TAFA5: variants seen among roughly 807,000 people sequenced by gnomAD.
TAFA5 encodes the protein TAFA chemokine like family member 5.
A neutral mutation model predicts 15.3 loss-of-function variants in TAFA5; 6 were observed. The ratio of observed to expected loss-of-function variants is 0.39; its 90% CI spans 0.21 to 0.77. The LOEUF is 0.77. Ranked by LOEUF, TAFA5 falls within the 30% of genes least tolerant of loss-of-function variation. The probability of loss-of-function intolerance (pLI) is 0.41; values close to 1 mark genes in which losing one functional copy is unlikely to be tolerated. For missense variants in TAFA5, 161 were observed against 193.1 expected (o/e 0.83, Z 0.98); for synonymous variants, 103 against 80.7 (o/e 1.28, Z -1.48).
chr22:48,600,160 C>T (rs896546750), intron 1 of TAFA5, among the ~76,000 whole-genome samples: 5 of 152,164 alleles, frequency 3.3e-5, no homozygotes, highest in Admixed American at 1.3e-4. Context: ...CTGTCACAGC[C>T]GAGATCTCCC....
rs1298199160 is a variant in TAFA5 at position 48,550,464 on chromosome 22, T to C, written c.112+60760T>C. On this transcript the variant is annotated intron_variant, in intron 1 of 3. Transcript: ENST00000402357. The surrounding 1 kb of genome is among the most constrained non-coding windows in gnomAD (Gnocchi z 4.1). ...AGTAAGCTAAGAGGTCACATCTGGATGGAACCAGATGTGAGGGCTTTGACC... is the reference window on the plus strand; with the variant it reads ...AGTAAGCTAAGAGGTCACATCTGGACGGAACCAGATGTGAGGGCTTTGACC... Among the ~76,000 whole-genome samples the C allele has an allele frequency of 6.6e-6, 1 of 152,162 alleles. No homozygotes were observed. Among genetic ancestry groups the C allele is most frequent in the Non-Finnish European group, 1.5e-5 (1 of 68,022 alleles).
intron 1 of TAFA5, among the ~76,000 whole-genome samples, chr22:48,565,393 T>C (rs74947886): frequency 6.6e-6 from 1 of 152,228 alleles, no homozygotes; most frequent in African/African-American, 2.4e-5. Flanking sequence ...GAAGTGGCTG[T>C]GGGGTGATGC....
chr22:48,588,452 A>G (rs1027778514), intron 1 of TAFA5, among the ~76,000 whole-genome samples: 1 of 152,082 alleles, frequency 6.6e-6, no homozygotes, highest in Non-Finnish European at 1.5e-5. Flanking sequence ...GGGGGAAGGA[A>G]GGCATTGCTC....
intron 1 of TAFA5, among the ~76,000 whole-genome samples, chr22:48,622,789 C>T (rs1367110596): frequency 7.9e-5 from 12 of 152,178 alleles, no homozygotes. Flanking sequence ...GCAGACAGGC[C>T]CCTCGCCCTG....
chr22:48,632,741 C>A (rs902908359), intron 1 of TAFA5, among the ~76,000 whole-genome samples: 1 of 152,160 alleles, frequency 6.6e-6, no homozygotes, highest in Non-Finnish European at 1.5e-5. Context: ...GAGGCCCTGA[C>A]CCCTCCTGAC....
chr22:48,676,327 C>G (rs753487473), intron 2 of TAFA5, among the ~76,000 whole-genome samples: 1 of 152,192 alleles, frequency 6.6e-6, no homozygotes, highest in African/African-American at 2.4e-5. Flanking sequence ...CCAGGTGAGC[C>G]TTTGAGGGAG....
intron 1 of TAFA5, among the ~76,000 whole-genome samples, chr22:48,499,793 C>T (rs1920942722): frequency 6.6e-6 from 1 of 152,216 alleles, no homozygotes; most frequent in African/African-American, 2.4e-5. Context: ...CTTTTTAGGG[C>T]AAGGCGGACC....
At chr22:48,724,616 A>C (rs1225452492) in intron 3 of TAFA5, among the ~76,000 whole-genome samples, 1 of 152,260 alleles carries the variant, frequency 6.6e-6, no homozygotes, top group East Asian at 1.9e-4. Flanking sequence ...GAAAGAAACA[A>C]GTAAGCGCTG....
intron 1 of TAFA5, among the ~76,000 whole-genome samples, chr22:48,525,779 G>C (rs1921761051): frequency 6.6e-6 from 1 of 152,180 alleles, no homozygotes; most frequent in African/African-American, 2.4e-5. Context: ...CCCTGCAGAG[G>C]CACGGTGGTG....
At chr22:48,738,319 C>T (rs1385637471) in intron 3 of TAFA5, among the ~76,000 whole-genome samples, 2 of 152,194 alleles carry the variant, frequency 1.3e-5, no homozygotes, top group Non-Finnish European at 2.9e-5. Flanking sequence ...GGTACCACTG[C>T]GTGGATTGTG....
chr22:48,562,686 C>T (rs908433736), intron 1 of TAFA5, among the ~76,000 whole-genome samples: 1 of 152,196 alleles, frequency 6.6e-6, no homozygotes, highest in African/African-American at 2.4e-5. Flanking sequence ...GCCTTCCACC[C>T]CTCCTAGGCC....
At chr22:48,732,623 A>G (rs894541486) in intron 3 of TAFA5, among the ~76,000 whole-genome samples, 2 of 152,184 alleles carry the variant, frequency 1.3e-5, no homozygotes, top group Admixed American at 6.5e-5. Flanking sequence ...AAATGATGAC[A>G]TAGGATTTCG....
intron 1 of TAFA5, among the ~76,000 whole-genome samples, chr22:48,531,660 A>G (rs1364812405): frequency 2.0e-5 from 3 of 149,620 alleles, no homozygotes; most frequent in Admixed American, 6.7e-5. Flanking sequence ...ATGCCTTTAG[A>G]CCCCCAGCGC....
In TAFA5 at chr22:48,750,611, A is replaced by G. The variant is rs1384556925; in HGVS notation, c.*764A>G. 4 of 152,586 alleles carry G rather than the reference A, an allele frequency of 2.6e-5. No homozygotes were observed. Among genetic ancestry groups the G allele is most frequent in the African/African-American group, 4.8e-5 (2 of 41,406 alleles). 9.5% of individuals were successfully genotyped at this position (152,586 alleles called of 1,614,324 possible). A position where few individuals can be genotyped will look rare whatever the true frequency, so the allele number is the denominator to read the frequency against. ...ATTCCTCTGTACTTAGATCAACTTG[A>G]CCGTACTAAAATCCCTTTCTGTTTT... On this transcript the variant is annotated 3_prime_UTR_variant, in exon 4 of 4. Coordinates refer to ENST00000402357, the MANE Select transcript of TAFA5 (RefSeq NM_001082967.3).
chr22:48,712,938 G>A (rs1243229480), intron 3 of TAFA5, among the ~76,000 whole-genome samples: 4 of 152,334 alleles, frequency 2.6e-5, no homozygotes, highest in East Asian at 1.9e-4. Context: ...CTCCACAGAC[G>A]TTCCTTGGCT....
At chr22:48,740,430 C>T (rs1365408320) in intron 3 of TAFA5, among the ~76,000 whole-genome samples, 1 of 152,230 alleles carries the variant, frequency 6.6e-6, no homozygotes, top group Non-Finnish European at 1.5e-5. Context: ...AGCCTTCACT[C>T]TCTGGTTGCA....
chr22:48,591,368 C>G lies in TAFA5; in HGVS notation c.113-55229C>G, dbSNP rs1255943815. Among the ~76,000 whole-genome samples, 3 of 152,224 alleles carry G rather than the reference C, an allele frequency of 2.0e-5. No individual in the cohort carries two copies. The East Asian group carries it at 5.8e-4, about 29-fold the overall frequency. On this transcript the variant is annotated intron_variant, in intron 1 of 3. Transcript: ENST00000402357. ...AGAGCCACAGGCAGGAGTGGGTGTT[C>G]CCGTCGCAAGCCACCCCTCTGGGTC...
At chr22:48,653,145 C>T (rs571862819) in intron 2 of TAFA5, among the ~76,000 whole-genome samples, 3 of 152,262 alleles carry the variant, frequency 2.0e-5, no homozygotes, top group East Asian at 1.9e-4. Flanking sequence ...GAGAGGGTGG[C>T]GTGTTATAAA....
intron 1 of TAFA5, among the ~76,000 whole-genome samples, chr22:48,587,083 A>G (rs1405246752): frequency 6.6e-6 from 1 of 152,170 alleles, no homozygotes; most frequent in African/African-American, 2.4e-5. Context: ...CTGTGGCTTC[A>G]TGGCACATGC....
Sources: gnomAD v4.1 joint callset for allele counts (sites outside exome capture counted in the v4.1 genomes callset) on GRCh38, gnomAD v4.1.1 for gene constraint, Gnocchi (gnomAD v3.1) non-coding constraint, MANE v1.5 for transcripts, NCBI Gene and HGNC (gene_info 2026-07-23, HGNC 2026-07-21) for gene names.